The following PRR7 variants were observed in gnomAD, a reference collection of about 807,000 sequenced individuals.
PRR7 encodes proline-rich protein 7.
In PRR7, 8 loss-of-function variants were observed where a neutral mutation model predicts 18.5. That is an observed-to-expected ratio of 0.43 (90% CI 0.25 to 0.78). PRR7 has a LOEUF of 0.78. Among genes scored for constraint, PRR7 ranks in the 30% least tolerant of loss-of-function variants. PRR7 has a pLI of 0.22. For missense variants in PRR7, 396 were observed against 403.1 expected (o/e 0.98, Z 0.15); for synonymous variants, 221 against 187.7 (o/e 1.18, Z -1.45).
rs916886584 is a variant in PRR7, at chr5:177,449,371, C to G, written c.-325+2411C>G. ...TCATCAGAGGGAGTTCTGTTGTCCC[C>G]TCGGCACCCTGGTCCTACTGCTGAA... On this transcript the variant is annotated intron_variant, in intron 1 of 3. Coordinates refer to ENST00000323249, the MANE Select transcript of PRR7 (RefSeq NM_030567.5). This position sits in a 1 kb window ranked among gnomAD's most constrained non-coding sequence, Gnocchi z 4.2. 7.2e-5 allele frequency among the ~76,000 whole-genome samples: 11 copies of G among 152,278 alleles called. No individual in the cohort carries two copies. The highest frequency in any genetic ancestry group is 3.9e-4 in the East Asian group (2 of 5,186).
At position 177,454,940 on chromosome 5, in the gene PRR7, G is replaced by C. The variant is rs1414436583; in HGVS notation, c.-128G>C. 8.0e-7 allele frequency: 1 copy of C among 1,252,140 alleles called. No homozygotes were observed. The highest frequency in any genetic ancestry group is 1.0e-6 in the Non-Finnish European group (1 of 987,070). The allele number at this position is 1,252,140 out of a possible 1,614,324, so 77.6% of individuals were successfully genotyped here. A position where few individuals can be genotyped will look rare whatever the true frequency, so the allele number is the denominator to read the frequency against. The stretch of plus-strand genomic sequence containing the variant: ...CGCGCACGACTTGAGACCTGCCACG[G>C]GCAGCCCCCGGCCGCGGGTCCCCGA... On this transcript the variant is annotated 5_prime_UTR_variant, in exon 3 of 4. Coordinates refer to ENST00000323249, the MANE Select transcript of PRR7 (RefSeq NM_030567.5). The surrounding 1 kb of genome is among the most constrained non-coding windows in gnomAD (Gnocchi z 4.7).
chr5:177,456,092 C>T lies in PRR7; in HGVS notation c.796C>T (p.Pro266Ser), dbSNP rs1317791868. ...AGCTTGGCGTCTGCCGGTCTCCATCCCCTTGTTCGGGAGGACTACAGCCGT... is the reference window on the plus strand; with the variant it reads ...AGCTTGGCGTCTGCCGGTCTCCATCTCCTTGTTCGGGAGGACTACAGCCGT... ...HGAWRLPVSI[P>S]LFGRTTAV Residue 266 changes from proline to serine, a missense_variant, in exon 4 of 4, where the codon CCC (proline) becomes TCC (serine). Pro to Ser is a moderately conservative substitution (Grantham distance 74, BLOSUM62 -1). Around this residue, in one of 2 missense-constraint regions of PRR7, gnomAD observed 383 missense variants for 372.6 expected, o/e 1.03. Coordinates refer to ENST00000323249, the MANE Select transcript of PRR7 (RefSeq NM_030567.5). 13 of 1,556,762 alleles carry T rather than the reference C, an allele frequency of 8.4e-6. No homozygotes were observed. The highest frequency in any genetic ancestry group is 5.4e-5 in the African/African-American group (4 of 73,446).
At position 177,455,948 on chromosome 5, in the gene PRR7, A is replaced by G. The variant is rs1241709970; in HGVS notation, c.652A>G (p.Ser218Gly). ...CTACACCTCGGCGCTGCACCTGCCC[A>G]GCGCCCCTCGGCCCGCGCCGCCCTG... ...RGYTSALHLP[S>G]APRPAPPCPA... Residue 218 changes from serine (S) to glycine (G), a missense_variant, in exon 4 of 4, where the codon AGC becomes GGC. Coordinates refer to ENST00000323249, the MANE Select transcript of PRR7 (RefSeq NM_030567.5). The surrounding 1 kb of genome is among the most constrained non-coding windows in gnomAD (Gnocchi z 6.9). 6.3e-7 allele frequency: 1 copy of G among 1,598,454 alleles called. No homozygotes were observed. Among genetic ancestry groups the G allele is most frequent in the Non-Finnish European group, 8.5e-7 (1 of 1,175,666 alleles).
rs1180226688 is a variant in PRR7 at position 177,454,763 on chromosome 5, G to A, written c.-239-66G>A. The A allele has an allele frequency of 5.5e-6, 1 of 180,874 alleles. No individual in the cohort carries two copies. Among genetic ancestry groups the A allele is most frequent in the East Asian group, 1.5e-4 (1 of 6,890 alleles). The allele number at this position is 180,874 out of a possible 1,614,324, so 11.2% of individuals were successfully genotyped here. A position where few individuals can be genotyped will look rare whatever the true frequency, so the allele number is the denominator to read the frequency against. On this transcript the variant is annotated intron_variant, in intron 2 of 3. Transcript: ENST00000323249. The surrounding 1 kb of genome is among the most constrained non-coding windows in gnomAD (Gnocchi z 4.7). ...CTTTCCCCGGACTGCGCAGGGCGCG[G>A]GCGGGGGCCGGGAAGTCGTTGGGGG...
intron 1 of PRR7, among the ~76,000 whole-genome samples, chr5:177,452,742 G>A (rs1014133006): frequency 3.3e-5 from 5 of 152,354 alleles, no homozygotes; most frequent in Non-Finnish European, 4.4e-5. Context: ...GGTCCTGGGC[G>A]TGGCCTGCCC....
chr5:177,454,334 G>T lies in PRR7; in HGVS notation c.-240+294G>T, dbSNP rs973773339. On this transcript the variant is annotated intron_variant, in intron 2 of 3. Transcript: ENST00000323249. The surrounding 1 kb of genome is among the most constrained non-coding windows in gnomAD (Gnocchi z 4.7). ...GAGCGGCGGGAGACCCGGAGGGCGC[G>T]GTGCGGAGCCAGTTGTTCCGGGCTT... 6.6e-6 allele frequency among the ~76,000 whole-genome samples: 1 copy of T among 152,218 alleles called. No homozygotes were observed. The highest frequency in any genetic ancestry group is 2.4e-5 in the African/African-American group (1 of 41,458).
In PRR7 at chr5:177,455,111, C is replaced by T; in HGVS notation, c.44C>T (p.Ala15Val). 3.3e-6 allele frequency: 5 copies of T among 1,516,708 alleles called. No individual in the cohort carries two copies. Among genetic ancestry groups the T allele is most frequent in the Non-Finnish European group, 4.4e-6 (5 of 1,133,790 alleles). 94.0% of individuals were successfully genotyped at this position (1,516,708 alleles called of 1,614,324 possible). Residue 15 changes from alanine to valine, a missense_variant, in exon 3 of 4, where the codon GCC becomes GTC. Physicochemically the swap from Ala to Val is moderately conservative, Grantham distance 64. Transcript: ENST00000323249. This position sits in a 1 kb window ranked among gnomAD's most constrained non-coding sequence, Gnocchi z 6.9. ...QGTYTFLTCF[A>V]GFWLIWGLIV... ...ACCTACACGTTCCTCACGTGCTTCG[C>T]CGGCTTCTGGCTCATCTGGGGTCTC...
In PRR7 at chr5:177,455,716, C is replaced by G. The variant is rs755776298; in HGVS notation, c.428-8C>G. ...CCTCACCTCCTCCGACCGCCTCCCA[C>G]TCCGCAGCGGAATCGGACATGTCCA... On this transcript the variant is annotated splice_polypyrimidine_tract_variant and splice_region_variant and intron_variant, in intron 3 of 3. Transcript: ENST00000323249. The surrounding 1 kb of genome is among the most constrained non-coding windows in gnomAD (Gnocchi z 6.9). The G allele has an allele frequency of 6.4e-7, 1 of 1,572,272 alleles. No individual in the cohort carries two copies. The highest frequency in any genetic ancestry group is 1.4e-5 in the African/African-American group (1 of 73,126).
chr5:177,454,624 G>A lies in PRR7; in HGVS notation c.-239-205G>A, dbSNP rs1399928595. Among the ~76,000 whole-genome samples, 1 of 151,988 alleles carries A rather than the reference G, an allele frequency of 6.6e-6. No homozygotes were observed. Among genetic ancestry groups the A allele is most frequent in the African/African-American group, 2.4e-5 (1 of 41,406 alleles). On this transcript the variant is annotated intron_variant, in intron 2 of 3. Transcript: ENST00000323249. This position sits in a 1 kb window ranked among gnomAD's most constrained non-coding sequence, Gnocchi z 4.7. ...CCCCTCGGCGCCCGGGCTCCGCGGC[G>A]GCGGCCGGGGCTCAGATCGGGGAAA...
At position 177,454,876 on chromosome 5, in the gene PRR7, A is replaced by C; in HGVS notation, c.-192A>C. On this transcript the variant is annotated 5_prime_UTR_variant, in exon 3 of 4. An upstream start codon of the reference 5' UTR is lost. Transcript: ENST00000323249. The surrounding 1 kb of genome is among the most constrained non-coding windows in gnomAD (Gnocchi z 4.7). ...GCACGCCCGCGCGCCCGCCGGCGCC[A>C]TGGGAAGGAGCGGGCGCCGCTGCTG... 1.5e-6 allele frequency: 1 copy of C among 687,922 alleles called. No individual in the cohort carries two copies. 42.6% of individuals were successfully genotyped at this position (687,922 alleles called of 1,614,324 possible). A position where few individuals can be genotyped will look rare whatever the true frequency, so the allele number is the denominator to read the frequency against.
At chr5:177,446,512 CTG>C (rs1397576107), upstream of PRR7, 1 of 152,514 alleles carries the variant, frequency 6.6e-6, no homozygotes, top group Non-Finnish European at 1.5e-5. This position sits in a 1 kb window ranked among gnomAD's most constrained non-coding sequence, Gnocchi z 5.3. Flanking sequence ...TCGACCTCAG[CTG>C]CCTGGCTGTG....
chr5:177,454,854 C>A lies in PRR7; in HGVS notation c.-214C>A. 1 of 463,944 alleles carries A rather than the reference C, an allele frequency of 2.2e-6. No individual in the cohort carries two copies. Among genetic ancestry groups the A allele is most frequent in the Non-Finnish European group, 3.2e-6 (1 of 308,940 alleles). The allele number at this position is 463,944 out of a possible 1,614,324, so 28.7% of individuals were successfully genotyped here. On this transcript the variant is annotated 5_prime_UTR_variant, in exon 3 of 4. Coordinates refer to ENST00000323249, the MANE Select transcript of PRR7 (RefSeq NM_030567.5). This position sits in a 1 kb window ranked among gnomAD's most constrained non-coding sequence, Gnocchi z 4.7. ...GTCCCGCGCGGCCCCGGGTGAGGCA[C>A]GCCCGCGCGCCCGCCGGCGCCATGG...
rs770491389 is a variant in PRR7 at position 177,455,738 on chromosome 5, T to G, written c.442T>G (p.Ser148Ala). 1.2e-6 allele frequency: 2 copies of G among 1,602,530 alleles called. No homozygotes were observed. Among genetic ancestry groups the G allele is most frequent in the Non-Finnish European group, 1.7e-6 (2 of 1,174,130 alleles). The change falls in exon 4 of 4, where the codon TCC (serine) becomes GCC (alanine). Residue 148 changes from serine (S) to alanine (A), a missense_variant. Physicochemically the swap from Ser to Ala is moderately conservative, Grantham distance 99. Transcript: ENST00000323249. The surrounding 1 kb of genome is among the most constrained non-coding windows in gnomAD (Gnocchi z 6.9). ...CCACTCCGCAGCGGAATCGGACATG[T>G]CCAAACCACCGTGTTACGAAGAGGC... ...SYPRQAESDM[S>A]KPPCYEEAVL...
chr5:177,451,217 T>G (rs902183223), intron 1 of PRR7, among the ~76,000 whole-genome samples: 1 of 152,142 alleles, frequency 6.6e-6, no homozygotes, highest in Non-Finnish European at 1.5e-5. Context: ...GTGTGGGAGG[T>G]GCCCACAGCA....
At position 177,455,620 on chromosome 5, in the gene PRR7, C is replaced by T. The variant is rs1446008610; in HGVS notation, c.428-104C>T. 2 of 1,399,666 alleles carry T rather than the reference C, an allele frequency of 1.4e-6. No homozygotes were observed. Among genetic ancestry groups the T allele is most frequent in the African/African-American group, 1.5e-5 (1 of 65,750 alleles). 86.7% of individuals were successfully genotyped at this position (1,399,666 alleles called of 1,614,324 possible). On this transcript the variant is annotated intron_variant, in intron 3 of 3. Transcript: ENST00000323249. This position sits in a 1 kb window ranked among gnomAD's most constrained non-coding sequence, Gnocchi z 6.9. ...GGGAGAACACGGGCGGCGGCGGGCTCGGGTTCGGGCTAGGGCTGGGGCGCG... is the reference window on the plus strand; with the variant it reads ...GGGAGAACACGGGCGGCGGCGGGCTTGGGTTCGGGCTAGGGCTGGGGCGCG...
At chr5:177,451,337 T>G (rs1006451658) in intron 1 of PRR7, among the ~76,000 whole-genome samples, 4 of 151,504 alleles carry the variant, frequency 2.6e-5, no homozygotes, top group Non-Finnish European at 4.4e-5. Flanking sequence ...GGAGAGTGAG[T>G]GTGGAGCCCA....
Position 177,454,905 on chromosome 5 carries a change from C to A in PRR7, c.-163C>A. 1 of 1,017,796 alleles carries A rather than the reference C, an allele frequency of 9.8e-7. No individual in the cohort carries two copies. The highest frequency in any genetic ancestry group is 1.3e-6 in the Non-Finnish European group (1 of 796,348). The allele number at this position is 1,017,796 out of a possible 1,614,324, so 63.0% of individuals were successfully genotyped here. On this transcript the variant is annotated 5_prime_UTR_variant, in exon 3 of 4. Transcript: ENST00000323249. This position sits in a 1 kb window ranked among gnomAD's most constrained non-coding sequence, Gnocchi z 4.7. ...GAAGGAGCGGGCGCCGCTGCTGTCC[C>A]CCGCCGGCGCGCGCACGACTTGAGA...
upstream of PRR7, chr5:177,446,754 G>C (rs1040266657): frequency 1.4e-4 from 21 of 151,206 alleles, no homozygotes; most frequent in Non-Finnish European, 2.7e-4. This position sits in a 1 kb window ranked among gnomAD's most constrained non-coding sequence, Gnocchi z 5.3. Flanking sequence ...GCTGCCGCGC[G>C]CGCGCACGCC....
In PRR7 at chr5:177,455,651, C is replaced by A; in HGVS notation, c.428-73C>A. The stretch of plus-strand genomic sequence containing the variant: ...CGGGCTAGGGCTGGGGCGCGGGCGG[C>A]CCCTGGCCGGGGCCTCTGCGAGAGG... On this transcript the variant is annotated intron_variant, in intron 3 of 3. Transcript: ENST00000323249. The surrounding 1 kb of genome is among the most constrained non-coding windows in gnomAD (Gnocchi z 6.9). 7.0e-7 allele frequency: 1 copy of A among 1,435,682 alleles called. No individual in the cohort carries two copies. Among genetic ancestry groups the A allele is most frequent in the Non-Finnish European group, 9.2e-7 (1 of 1,091,700 alleles). The allele number at this position is 1,435,682 out of a possible 1,614,324, so 88.9% of individuals were successfully genotyped here. A position where few individuals can be genotyped will look rare whatever the true frequency, so the allele number is the denominator to read the frequency against.
Sources: allele counts gnomAD v4.1 joint callset (sites outside exome capture counted in the v4.1 genomes callset), GRCh38; gene constraint gnomAD v4.1.1; regional missense constraint gnomAD v4.1.1; non-coding constraint Gnocchi (gnomAD v3.1); transcripts MANE v1.5; gene names NCBI Gene and HGNC (gene_info 2026-07-23, HGNC 2026-07-21).